ERFE: variants seen among roughly 807,000 people sequenced by gnomAD.
The protein encoded by ERFE is erythroferrone, also known as complement C1q tumor necrosis factor-related protein 15.
In ERFE, 25 loss-of-function variants were observed where a neutral mutation model predicts 26.6. That is an observed-to-expected ratio of 0.94 (90% CI 0.69 to 1.31). ERFE has a LOEUF of 1.31. Ranked by LOEUF, ERFE falls within the 40% of genes most tolerant of loss-of-function variation. The pLI is 0.00. For missense variants in ERFE, 447 were observed against 440.2 expected (o/e 1.02, Z -0.14); for synonymous variants, 206 against 204.5 (o/e 1.01, Z -0.06).
intron 2 of ERFE, among the ~76,000 whole-genome samples, chr2:238,162,441 C>T (rs546871467): frequency 6.6e-6 from 1 of 152,342 alleles, no homozygotes; most frequent in East Asian, 1.9e-4. Context: ...CCAAAAGCAG[C>T]CTAGAGTCTT....
chr2:238,167,320 C>A lies in ERFE; in HGVS notation c.*266C>A, dbSNP rs1416456472. 3.0e-6 allele frequency: 2 copies of A among 677,666 alleles called. No homozygotes were observed. Among genetic ancestry groups the A allele is most frequent in the African/African-American group, 3.5e-5 (2 of 56,760 alleles). 42.0% of individuals were successfully genotyped at this position (677,666 alleles called of 1,614,324 possible). On this transcript the variant is annotated 3_prime_UTR_variant, in exon 8 of 8. Transcript: ENST00000546354. Reference sequence around the variant, plus strand: ...AAGAAAGAGTCGGCGTGCCTGGGGGCACCTGCTAGTCTCCAGCTGCAGGCC... The same window carrying A: ...AAGAAAGAGTCGGCGTGCCTGGGGGAACCTGCTAGTCTCCAGCTGCAGGCC...
chr2:238,166,922 G>A, intron 7 of ERFE, 34 bp from the exon 8 acceptor site: 1 of 1,532,050 alleles, frequency 6.5e-7, no homozygotes, highest in Non-Finnish European at 8.8e-7. Flanking sequence ...GGCTGTTGGG[G>A]TGGCCCAGTG....
chr2:238,165,630 GGA>G lies in ERFE; in HGVS notation c.916_917del (p.Ser306GlnfsTer3). 6.5e-7 allele frequency: 1 copy of G among 1,549,400 alleles called. No homozygotes were observed. The highest frequency in any genetic ancestry group is 8.7e-7 in the Non-Finnish European group (1 of 1,146,012). The part of the protein sequence containing the change: ...NASLEAIMGL[E>X]SSSELFTISV... ...GCTCCCTGGAGGCCATCATGGGCCT[GGA>G]GAGCAGCAGTGAGCTCTTCACCATC... On this transcript the variant is annotated frameshift_variant, in exon 7 of 8. Transcript: ENST00000546354. LOFTEE classifies it high-confidence loss of function.
At position 238,164,197 on chromosome 2, in the gene ERFE, C is replaced by T; in HGVS notation, c.796+14C>T. The T allele has an allele frequency of 7.0e-7, 1 of 1,434,354 alleles. No individual in the cohort carries two copies. 88.9% of individuals were successfully genotyped at this position (1,434,354 alleles called of 1,614,324 possible). On this transcript the variant is annotated intron_variant, in intron 5 of 7. Coordinates refer to ENST00000546354, the MANE Select transcript of ERFE (RefSeq NM_001291832.2). Reference sequence around the variant, plus strand: ...CGCTGCACGTGGGTGAGGCCCGGGGCGTGGGAGGATCGCCCGCTCTGTCGC... The same window carrying T: ...CGCTGCACGTGGGTGAGGCCCGGGGTGTGGGAGGATCGCCCGCTCTGTCGC...
In ERFE at chr2:238,164,318, T is replaced by C; in HGVS notation, c.845T>C (p.Leu282Pro). 6.5e-7 allele frequency: 1 copy of C among 1,531,480 alleles called. No individual in the cohort carries two copies. The highest frequency in any genetic ancestry group is 2.5e-5 in the East Asian group (1 of 39,320). 94.9% of individuals were successfully genotyped at this position (1,531,480 alleles called of 1,614,324 possible). The stretch of plus-strand genomic sequence containing the variant: ...GGGCCGCCGCGCCCCCGGGACCACC[T>C]GCGCCTGCTCATCTGCATCCAGTCC... ...RRGPPRPRDH[L>P]RLLICIQSRC... The change falls in exon 6 of 8, where the codon CTG becomes CCG. Residue 282 changes from leucine (L) to proline (P), a missense_variant. By Grantham distance (98) the Leu-to-Pro change is moderately conservative. Coordinates refer to ENST00000546354, the MANE Select transcript of ERFE (RefSeq NM_001291832.2).
chr2:238,165,074 C>T (rs1249150499), intron 6 of ERFE, among the ~76,000 whole-genome samples: 2 of 152,188 alleles, frequency 1.3e-5, no homozygotes, highest in South Asian at 2.1e-4. Context: ...CCACTCCTCA[C>T]CCGGGAACTT....
At chr2:238,161,794 C>T in intron 2 of ERFE, 78 bp downstream of exon 2, 1 of 1,444,496 alleles carries the variant, frequency 6.9e-7, no homozygotes, top group Non-Finnish European at 9.2e-7. Context: ...ACTCCTACAT[C>T]CTGAACATTT....
At chr2:238,165,353 T>C (rs906866291) in intron 6 of ERFE, among the ~76,000 whole-genome samples, 6 of 152,360 alleles carry the variant, frequency 3.9e-5, no homozygotes, top group African/African-American at 1.4e-4. Flanking sequence ...GTGTCCTGTT[T>C]CCCATCAGAG....
In ERFE at chr2:238,161,732, C is replaced by A; in HGVS notation, c.321+16C>A. 6.5e-7 allele frequency: 1 copy of A among 1,536,490 alleles called. No individual in the cohort carries two copies. Among genetic ancestry groups the A allele is most frequent in the South Asian group, 1.2e-5 (1 of 83,194 alleles). ...GAAGCTGAAGGTGAGGCCGGCATCC[C>A]GTCAGTGCCAGGCCGTGGGGGGTTC... On this transcript the variant is annotated intron_variant, in intron 2 of 7. Coordinates refer to ENST00000546354, the MANE Select transcript of ERFE (RefSeq NM_001291832.2).
In ERFE at chr2:238,167,816, G is replaced by A. The variant is rs1258890697; in HGVS notation, c.*762G>A. On this transcript the variant is annotated 3_prime_UTR_variant, in exon 8 of 8. Coordinates refer to ENST00000546354, the MANE Select transcript of ERFE (RefSeq NM_001291832.2). ...CTCCTCTGCAAATCTTCACAGCCAAGGCCCCTTCCACCCTCTCCAGAGGTG... is the reference window on the plus strand; with the variant it reads ...CTCCTCTGCAAATCTTCACAGCCAAAGCCCCTTCCACCCTCTCCAGAGGTG... 1 of 258,766 alleles carries A rather than the reference G, an allele frequency of 3.9e-6. No individual in the cohort carries two copies. Among genetic ancestry groups the A allele is most frequent in the Non-Finnish European group, 7.7e-6 (1 of 130,598 alleles). 16.0% of individuals were successfully genotyped at this position (258,766 alleles called of 1,614,324 possible).
Position 238,168,135 on chromosome 2 carries a change from T to C in ERFE, c.*1081T>C. 3.9e-6 allele frequency: 1 copy of C among 259,622 alleles called. No individual in the cohort carries two copies. Among genetic ancestry groups the C allele is most frequent in the Non-Finnish European group, 7.8e-6 (1 of 128,404 alleles). The allele number at this position is 259,622 out of a possible 1,614,324, so 16.1% of individuals were successfully genotyped here. A position where few individuals can be genotyped will look rare whatever the true frequency, so the allele number is the denominator to read the frequency against. The stretch of plus-strand genomic sequence containing the variant: ...GAAAGGGTGGTCTTGGGAGGGCTGG[T>C]CCCAAGCCTGCTGTGCTCCTGTGGC... On this transcript the variant is annotated 3_prime_UTR_variant, in exon 8 of 8. Coordinates refer to ENST00000546354, the MANE Select transcript of ERFE (RefSeq NM_001291832.2).
At chr2:238,164,501 C>T in intron 6 of ERFE, 141 bp downstream of exon 6, 2 of 753,040 alleles carry the variant, frequency 2.7e-6, no homozygotes, top group South Asian at 1.7e-5. Flanking sequence ...TCTTCCAGGT[C>T]TCCCGGTCTA....
rs2106320186 is a variant in ERFE at position 238,163,857 on chromosome 2, T to C, written c.545T>C (p.Val182Ala). Residue 182 changes from valine to alanine, a missense_variant, in exon 4 of 8, where the codon GTG (valine) becomes GCG (alanine). By Grantham distance (64) the Val-to-Ala change is moderately conservative. Transcript: ENST00000546354. ...GCCGGGGAGGACGACGACGACGTGG[T>C]GGGGGACGTGCTGGCACTGCTGGCC... ...ATAGEDDDDV[V>A]GDVLALLAAP... is the part of the protein sequence containing the mutation. 7.6e-7 allele frequency: 1 copy of C among 1,320,064 alleles called. No individual in the cohort carries two copies. Among genetic ancestry groups the C allele is most frequent in the Non-Finnish European group, 9.6e-7 (1 of 1,042,470 alleles). The allele number at this position is 1,320,064 out of a possible 1,614,324, so 81.8% of individuals were successfully genotyped here. A position where few individuals can be genotyped will look rare whatever the true frequency, so the allele number is the denominator to read the frequency against.
rs1448499070 is a variant in ERFE at position 238,168,725 on chromosome 2, C to T, written c.*1671C>T. On this transcript the variant is annotated 3_prime_UTR_variant, in exon 8 of 8. Transcript: ENST00000546354. ...TTTTGATAAGGGGGTGATGTGGCCA[C>T]GCCCTTATCTAGATTTCACTTTGTA... The T allele has an allele frequency of 1.9e-5, 5 of 269,592 alleles. No individual in the cohort carries two copies. The highest frequency in any genetic ancestry group is 2.2e-5 in the Non-Finnish European group (3 of 133,946). The allele number at this position is 269,592 out of a possible 1,614,324, so 16.7% of individuals were successfully genotyped here.
intron 1 of ERFE, among the ~76,000 whole-genome samples, chr2:238,160,078 C>T (rs1692915097): frequency 6.6e-6 from 1 of 152,226 alleles, no homozygotes; most frequent in African/African-American, 2.4e-5. Flanking sequence ...GCCAAACCAC[C>T]CAGGTGGGCA....
chr2:238,163,658 A>T (rs1428663587), intron 3 of ERFE, 79 bp from the exon 4 acceptor site: 2 of 1,230,990 alleles, frequency 1.6e-6, no homozygotes, highest in Admixed American at 8.7e-5. Flanking sequence ...TCTCGCTAGC[A>T]CCTGTCGTTC....
At chr2:238,164,505 C>T (rs1424184596) in intron 6 of ERFE, 145 bp downstream of exon 6, 7 of 729,974 alleles carry the variant, frequency 9.6e-6, no homozygotes, top group South Asian at 1.7e-5. Flanking sequence ...CCAGGTCTCC[C>T]GGTCTACTTC....
At chr2:238,162,960 C>CT in intron 3 of ERFE, 122 bp downstream of exon 3, 2 of 708,364 alleles carry the variant, frequency 2.8e-6, no homozygotes, top group East Asian at 5.4e-5. Context: ...GGCACCTGCT[C>CT]TGGGCTGGAC....
At chr2:238,165,159 C>A (rs975970669) in intron 6 of ERFE, among the ~76,000 whole-genome samples, 53 of 152,238 alleles carry the variant, frequency 3.5e-4, no homozygotes, top group Non-Finnish European at 6.0e-4. Flanking sequence ...TCCCTGTCTC[C>A]CCACACCCAG....
Sources: gnomAD v4.1 joint callset for allele counts (sites outside exome capture counted in the v4.1 genomes callset) on GRCh38, gnomAD v4.1.1 for gene constraint, MANE v1.5 for transcripts, NCBI Gene and HGNC (gene_info 2026-07-23, HGNC 2026-07-21) for gene names.